The following ATG7 variants were observed in gnomAD, a reference collection of about 807,000 sequenced individuals.
The protein encoded by ATG7 is autophagy related 7, also known as ubiquitin-like modifier-activating enzyme ATG7.
A neutral mutation model predicts 82.4 loss-of-function variants in ATG7; 70 were observed. The ratio of observed to expected loss-of-function variants is 0.85; its 90% CI spans 0.70 to 1.04. The LOEUF (loss-of-function observed/expected upper bound fraction) is 1.04. Among genes scored for constraint, ATG7 ranks in the 50% least tolerant of loss-of-function variants. The pLI is 0.00. For missense variants in ATG7, 792 were observed against 864.3 expected (o/e 0.92, Z 1.05); for synonymous variants, 287 against 313.0 (o/e 0.92, Z 0.88).
chr3:11,330,718 G>T (rs1951526354), intron 9 of ATG7, among the ~76,000 whole-genome samples: 1 of 152,158 alleles, frequency 6.6e-6, no homozygotes, highest in Non-Finnish European at 1.5e-5. Flanking sequence ...TATATACAAG[G>T]TTCAAAGAGC....
At chr3:11,430,451 G>A (rs937497248) in intron 20 of ATG7, among the ~76,000 whole-genome samples, 6 of 152,090 alleles carry the variant, frequency 3.9e-5, no homozygotes, top group Non-Finnish European at 5.9e-5. Context: ...ACGTAGAAAG[G>A]TCTCCACTTA....
At chr3:11,474,954 G>A (rs937119252) in intron 20 of ATG7, among the ~76,000 whole-genome samples, 33 of 152,274 alleles carry the variant, frequency 2.2e-4, no homozygotes, top group African/African-American at 6.7e-4. Flanking sequence ...GAGGGAGCAC[G>A]TGACACGGGC....
intron 19 of ATG7, among the ~76,000 whole-genome samples, chr3:11,399,826 G>A (rs576094286): frequency 2.6e-5 from 4 of 152,202 alleles, no homozygotes; most frequent in East Asian, 1.9e-4. Flanking sequence ...TGCCCACCTC[G>A]GCCTCCCAAA....
intron 10 of ATG7, among the ~76,000 whole-genome samples, chr3:11,332,529 TG>T (rs1158288265): frequency 6.6e-6 from 1 of 152,146 alleles, no homozygotes; most frequent in Non-Finnish European, 1.5e-5. Context: ...ATTATCCAGG[TG>T]GTAAGTCTAC....
intron 20 of ATG7, among the ~76,000 whole-genome samples, chr3:11,479,436 A>T (rs2153029716): frequency 6.6e-6 from 1 of 152,316 alleles, no homozygotes; most frequent in Non-Finnish European, 1.5e-5. Flanking sequence ...TAAAACCCAG[A>T]GCCTGGTGCC....
intron 19 of ATG7, among the ~76,000 whole-genome samples, chr3:11,391,036 A>T (rs1315112766): frequency 3.3e-5 from 5 of 152,130 alleles, no homozygotes. Context: ...GATGGGTGTC[A>T]TGTAGTTGGC....
At chr3:11,426,980 G>C in intron 20 of ATG7, 54 bp downstream of exon 20, 2 of 1,489,864 alleles carry the variant, frequency 1.3e-6, no homozygotes, top group Non-Finnish European at 1.8e-6. Flanking sequence ...AAAACTATTT[G>C]ATATTCGCCA....
chr3:11,468,418 C>T (rs925306788), intron 20 of ATG7, among the ~76,000 whole-genome samples: 5 of 152,130 alleles, frequency 3.3e-5, no homozygotes, highest in African/African-American at 9.7e-5. Flanking sequence ...CTCCATGTCC[C>T]CAGTCCATCC....
chr3:11,514,184 A>G (rs1226620904), intron 20 of ATG7, among the ~76,000 whole-genome samples: 1 of 152,206 alleles, frequency 6.6e-6, no homozygotes, highest in Admixed American at 6.5e-5. Context: ...AAAAAGATGA[A>G]GTAAGTGGCC....
At chr3:11,498,585 T>G (rs529686562) in intron 20 of ATG7, among the ~76,000 whole-genome samples, 2 of 152,312 alleles carry the variant, frequency 1.3e-5, no homozygotes, top group Non-Finnish European at 1.5e-5. Flanking sequence ...CCCTCCCCAC[T>G]GCTACCAGAT....
intron 11 of ATG7, among the ~76,000 whole-genome samples, chr3:11,339,702 T>C (rs1409031211): frequency 6.6e-6 from 1 of 152,254 alleles, no homozygotes; most frequent in African/African-American, 2.4e-5. Flanking sequence ...AACAGTAGAA[T>C]ACAGCAGTGT....
In ATG7 at chr3:11,382,600, G is replaced by A. The variant is rs112106223; in HGVS notation, c.1956+2548G>A. Reference sequence around the variant, plus strand: ...GAAATTTCAAAAGACCTTATTTGACGTTTATATGAGTTGCTCTTTACTTCT... The same window carrying A: ...GAAATTTCAAAAGACCTTATTTGACATTTATATGAGTTGCTCTTTACTTCT... On this transcript the variant is annotated intron_variant, in intron 19 of 20. Transcript: ENST00000693202. Among the ~76,000 whole-genome samples the A allele has an allele frequency of 6.4e-3, 970 of 152,258 alleles. 8 individuals carry two copies. Among genetic ancestry groups the A allele is most frequent in the African/African-American group, 0.021 (879 of 41,550 alleles).
chr3:11,294,331 G>A (rs912684364), intron 3 of ATG7, among the ~76,000 whole-genome samples: 7 of 151,698 alleles, frequency 4.6e-5, no homozygotes, highest in East Asian at 2.0e-4. Context: ...AGAGATTCTC[G>A]TGCCTCAGCC....
At chr3:11,456,993 C>A (rs1345244882) in intron 20 of ATG7, among the ~76,000 whole-genome samples, 5 of 152,186 alleles carry the variant, frequency 3.3e-5, no homozygotes, top group African/African-American at 7.2e-5. Flanking sequence ...TCCTGCTGAA[C>A]AGTCAGTTGT....
At chr3:11,405,274 C>A (rs1324444868) in intron 19 of ATG7, among the ~76,000 whole-genome samples, 1 of 152,070 alleles carries the variant, frequency 6.6e-6, no homozygotes, top group Non-Finnish European at 1.5e-5. Flanking sequence ...CTAAACTCCA[C>A]CCCCACCCCC....
At chr3:11,283,497 G>A (rs73812424) in intron 3 of ATG7, among the ~76,000 whole-genome samples, 184 of 152,278 alleles carry the variant, frequency 1.2e-3, no homozygotes, top group African/African-American at 4.1e-3. Context: ...GGGGGGTGAA[G>A]GAACCTGCCC....
intron 20 of ATG7, among the ~76,000 whole-genome samples, chr3:11,534,481 T>G (rs1266287380): frequency 6.6e-6 from 1 of 152,192 alleles, no homozygotes; most frequent in African/African-American, 2.4e-5. Context: ...GACATGCTCA[T>G]GGAGGAGAGG....
chr3:11,484,704 C>T (rs540960306), intron 20 of ATG7, among the ~76,000 whole-genome samples: 1 of 152,304 alleles, frequency 6.6e-6, no homozygotes, highest in Non-Finnish European at 1.5e-5. Flanking sequence ...TCCCCTGACC[C>T]CACGACAGTC....
intron 20 of ATG7, among the ~76,000 whole-genome samples, chr3:11,470,260 G>T (rs1171508072): frequency 2.0e-5 from 3 of 152,180 alleles, no homozygotes; most frequent in Non-Finnish European, 2.9e-5. Flanking sequence ...GATTACATCA[G>T]TTGTCATAGA....
Sources: gnomAD v4.1 joint callset for allele counts (sites outside exome capture counted in the v4.1 genomes callset) on GRCh38, gnomAD v4.1.1 for gene constraint, MANE v1.5 for transcripts, NCBI Gene and HGNC (gene_info 2026-07-23, HGNC 2026-07-21) for gene names.